Variants in NRDC observed in about 807,000 individuals in gnomAD.
The protein encoded by NRDC is nardilysin convertase, also known as nardilysin.
A neutral mutation model predicts 147.1 loss-of-function variants in NRDC; 54 were observed. The observed-to-expected ratio is 0.37, with a 90% CI of 0.29 to 0.46. The LOEUF is 0.46. Ranked by LOEUF, NRDC falls within the 20% of genes least tolerant of loss-of-function variation. The pLI is 1.00. For missense variants in NRDC, 1,082 were observed against 1,370.6 expected (o/e 0.79, Z 3.33); for synonymous variants, 440 against 482.1 (o/e 0.91, Z 1.14).
chr1:51,860,210 T>C (rs1682461633), intron 1 of NRDC: 1 of 156,508 alleles, frequency 6.4e-6, no homozygotes, highest in Non-Finnish European at 1.5e-5. Flanking sequence ...GCTTCATCTT[T>C]CACCTCAGAG....
intron 1 of NRDC, among the ~76,000 whole-genome samples, chr1:51,870,922 G>GA (rs1683055023): frequency 6.6e-6 from 1 of 151,280 alleles, no homozygotes; most frequent in African/African-American, 2.4e-5. Context: ...TATTCATCTT[G>GA]AAAAAAACTC....
At chr1:51,844,532 G>A (rs1681438039) in intron 1 of NRDC, among the ~76,000 whole-genome samples, 2 of 151,746 alleles carry the variant, frequency 1.3e-5, no homozygotes, top group African/African-American at 4.8e-5. Context: ...CATGAGGTCA[G>A]GATATCAAGA....
chr1:51,861,792 C>A, intron 1 of NRDC, among the ~76,000 whole-genome samples: 1 of 152,198 alleles, frequency 6.6e-6, no homozygotes, highest in East Asian at 1.9e-4. Flanking sequence ...ATGGGTTTGA[C>A]AAACCAAACA....
intron 5 of NRDC, among the ~76,000 whole-genome samples, chr1:51,826,557 G>A (rs1234025611): frequency 6.6e-6 from 1 of 152,100 alleles, no homozygotes; most frequent in Non-Finnish European, 1.5e-5. Context: ...GACATACTAT[G>A]CAGGCAATTA....
intron 18 of NRDC, among the ~76,000 whole-genome samples, chr1:51,806,156 C>T (rs1679450029): frequency 6.6e-6 from 1 of 151,852 alleles, no homozygotes; most frequent in Non-Finnish European, 1.5e-5. Flanking sequence ...CACTTAGGGC[C>T]ACAACATTAA....
chr1:51,878,673 T>G lies in NRDC; in HGVS notation c.-58A>C, dbSNP rs1571936964. The G allele has an allele frequency of 1.4e-6, 2 of 1,480,634 alleles. No homozygotes were observed. The highest frequency in any genetic ancestry group is 4.8e-5 in the East Asian group (2 of 41,364). The allele number at this position is 1,480,634 out of a possible 1,614,324, so 91.7% of individuals were successfully genotyped here. A position where few individuals can be genotyped will look rare whatever the true frequency, so the allele number is the denominator to read the frequency against. On this transcript the variant is annotated 5_prime_UTR_variant, in exon 1 of 31. Transcript: ENST00000352171. Reference sequence around the variant, plus strand: ...TTCCCAGGACCCACCTCCTCCGCGTTCTAGAGGCGGTGGCGGCCGGCCCTG... The same window carrying G: ...TTCCCAGGACCCACCTCCTCCGCGTGCTAGAGGCGGTGGCGGCCGGCCCTG...
At chr1:51,877,398 C>A (rs968754866) in intron 1 of NRDC, among the ~76,000 whole-genome samples, 1 of 152,122 alleles carries the variant, frequency 6.6e-6, no homozygotes, top group African/African-American at 2.4e-5. Context: ...CAGTGGCTCA[C>A]GCCTGTAATC....
chr1:51,808,094 T>C (rs868138357), intron 17 of NRDC, among the ~76,000 whole-genome samples: 23 of 151,926 alleles, frequency 1.5e-4, no homozygotes, highest in African/African-American at 5.3e-4. Context: ...GTATGAGCCA[T>C]GGCACCTGGC....
intron 1 of NRDC, among the ~76,000 whole-genome samples, chr1:51,844,802 G>A (rs1288935750): frequency 4.4e-5 from 4 of 90,244 alleles, no homozygotes; most frequent in African/African-American, 1.7e-4. Context: ...GGAGGAGGGG[G>A]GAGGGAGGGA....
chr1:51,826,695 T>C (rs898612011), intron 5 of NRDC, among the ~76,000 whole-genome samples: 1 of 152,182 alleles, frequency 6.6e-6, no homozygotes, highest in Admixed American at 6.6e-5. Context: ...AGGCAGATCA[T>C]GAACAAAAGC....
chr1:51,791,627 C>CG lies in NRDC; in HGVS notation c.2910dup (p.Gly971ArgfsTer19). 6.2e-7 allele frequency: 1 copy of CG among 1,613,882 alleles called. No homozygotes were observed. Among genetic ancestry groups the CG allele is most frequent in the East Asian group, 2.2e-5 (1 of 44,874 alleles). Reference sequence around the variant, plus strand: ...ACAGTGACAGAAAATCCTAGAATCCCGGATGTGTTCCTACAGGTAGGGTAG... The same window carrying CG: ...ACAGTGACAGAAAATCCTAGAATCCCGGGATGTGTTCCTACAGGTAGGGTAG... On this transcript the variant is annotated frameshift_variant, in exon 27 of 31. Coordinates refer to ENST00000352171, the MANE Select transcript of NRDC (RefSeq NM_001101662.2). LOFTEE classifies it high-confidence loss of function.
At chr1:51,792,636 G>A (rs539952993) in intron 24 of NRDC, among the ~76,000 whole-genome samples, 22 of 152,216 alleles carry the variant, frequency 1.4e-4, no homozygotes, top group East Asian at 5.8e-4. Flanking sequence ...TTGTACTCCC[G>A]GCACTAGCAT....
chr1:51,795,206 A>C, intron 22 of NRDC: 1 of 1,320,590 alleles, frequency 7.6e-7, no homozygotes, highest in Non-Finnish European at 9.9e-7. Context: ...ATTGACATAG[A>C]ACCTGGATAA....
intron 2 of NRDC, among the ~76,000 whole-genome samples, chr1:51,838,851 A>G (rs1681112122): frequency 6.6e-6 from 1 of 152,152 alleles, no homozygotes; most frequent in Non-Finnish European, 1.5e-5. Flanking sequence ...TAGCATACAG[A>G]CTATCAAGTG....
intron 17 of NRDC, 72 bp from the exon 18 acceptor site, chr1:51,806,985 A>G (rs1679496368): frequency 6.5e-7 from 1 of 1,543,508 alleles, no homozygotes; most frequent in Admixed American, 2.1e-5. Flanking sequence ...TATTGGCTTC[A>G]GAAGTCTAAG....
intron 1 of NRDC, among the ~76,000 whole-genome samples, chr1:51,855,973 A>C (rs918047995): frequency 6.6e-6 from 1 of 152,228 alleles, no homozygotes; most frequent in African/African-American, 2.4e-5. Flanking sequence ...AATAAAAGAC[A>C]ATCAACTTAA....
chr1:51,847,881 GC>G (rs981181482), intron 1 of NRDC, among the ~76,000 whole-genome samples: 3 of 152,270 alleles, frequency 2.0e-5, no homozygotes, highest in African/African-American at 7.2e-5. Context: ...CCGAGGAGGC[GC>G]CAAGAGCAAG....
chr1:51,828,557 A>G (rs190184484), intron 4 of NRDC, among the ~76,000 whole-genome samples: 3 of 152,234 alleles, frequency 2.0e-5, no homozygotes, highest in East Asian at 3.9e-4. Context: ...TTAATTATAT[A>G]AACTGTGATG....
At chr1:51,826,890 T>C (rs773434711) in intron 5 of NRDC, among the ~76,000 whole-genome samples, 4 of 152,160 alleles carry the variant, frequency 2.6e-5, no homozygotes. Flanking sequence ...AGAAACTGTA[T>C]AAAGAAAAAC....
Sources: allele counts gnomAD v4.1 joint callset (sites outside exome capture counted in the v4.1 genomes callset), GRCh38; gene constraint gnomAD v4.1.1; transcripts MANE v1.5; gene names NCBI Gene and HGNC (gene_info 2026-07-23, HGNC 2026-07-21).